Variants in CCDC141 observed in about 807,000 individuals in gnomAD.
CCDC141 encodes the protein coiled-coil domain-containing protein 141.
Under a neutral mutation model 181.0 loss-of-function variants are expected in CCDC141, and 168 were observed. The ratio of observed to expected loss-of-function variants is 0.93; its 90% CI spans 0.82 to 1.05. The LOEUF is 1.05. Ranked by LOEUF, CCDC141 falls within the 50% of genes least tolerant of loss-of-function variation. The pLI, the probability that CCDC141 is intolerant of heterozygous loss-of-function variation, is 0.00. For synonymous variants in CCDC141, 666 were observed against 642.3 expected (o/e 1.04, Z -0.56); for missense variants, 1,902 against 1,788.5 (o/e 1.06, Z -1.14).
At chr2:178,985,274 C>A (rs1228001490) in intron 2 of CCDC141, among the ~76,000 whole-genome samples, 2 of 150,814 alleles carry the variant, frequency 1.3e-5, no homozygotes, top group Non-Finnish European at 1.5e-5. Context: ...CCAATGAGAA[C>A]AAAGACACAA....
intron 2 of CCDC141, among the ~76,000 whole-genome samples, chr2:179,041,582 T>C (rs1023938605): frequency 1.4e-5 from 2 of 138,656 alleles, no homozygotes; most frequent in African/African-American, 5.5e-5. Context: ...TAACCTTAAA[T>C]GTAAATGGAA....
intron 2 of CCDC141, among the ~76,000 whole-genome samples, chr2:179,016,206 G>C (rs1323043703): frequency 7.2e-6 from 1 of 139,124 alleles, no homozygotes; most frequent in African/African-American, 2.6e-5. Flanking sequence ...GGAAGAGTGA[G>C]GGGGGTGAGG....
At chr2:178,823,628 T>C in the CCDC141 span, among the ~76,000 whole-genome samples, 1 of 152,216 alleles carries the variant, frequency 6.6e-6, no homozygotes, top group Non-Finnish European at 1.5e-5. Context: ...TATGATGTTA[T>C]GACGTTGTTA....
At chr2:178,888,422 G>T in intron 9 of CCDC141, 105 bp downstream of exon 9, 2 of 994,016 alleles carry the variant, frequency 2.0e-6, no homozygotes. Flanking sequence ...CATAAGGGCA[G>T]CCTAAGGAGA....
At chr2:178,990,729 T>C (rs1442933207) in intron 2 of CCDC141, among the ~76,000 whole-genome samples, 2 of 151,992 alleles carry the variant, frequency 1.3e-5, no homozygotes, top group African/African-American at 4.8e-5. Flanking sequence ...ATGATTCCAC[T>C]TACATGAAAT....
chr2:179,045,960 C>A (rs1559069860), intron 2 of CCDC141, among the ~76,000 whole-genome samples: 1 of 152,160 alleles, frequency 6.6e-6, no homozygotes, highest in Admixed American at 6.5e-5. Context: ...CTTCTTTGTA[C>A]TAATTCTTTC....
At chr2:178,875,076 C>G (rs1686299904) in intron 12 of CCDC141, 1 of 152,158 alleles carries the variant, frequency 6.6e-6, no homozygotes, top group Admixed American at 6.5e-5. Flanking sequence ...CTGCCAGCTT[C>G]TGATTGGCTT....
intron 8 of CCDC141, among the ~76,000 whole-genome samples, chr2:178,904,574 C>G (rs1006982492): frequency 2.0e-5 from 3 of 151,556 alleles, no homozygotes; most frequent in Non-Finnish European, 4.4e-5. Flanking sequence ...TGGGTTTAAC[C>G]CATTTATAAT....
intron 17 of CCDC141, 27 bp downstream of exon 17, chr2:178,865,740 G>A: frequency 6.9e-7 from 1 of 1,445,230 alleles, no homozygotes; most frequent in Non-Finnish European, 9.2e-7. Flanking sequence ...TTGGCAATGT[G>A]CCAGTTCTCA....
At chr2:178,874,543 A>G (rs1686271226) in intron 12 of CCDC141, 1 of 152,256 alleles carries the variant, frequency 6.6e-6, no homozygotes. Context: ...AATAAGTAAC[A>G]AAGGACTTCT....
intron 2 of CCDC141, among the ~76,000 whole-genome samples, chr2:179,033,466 C>T (rs1226261954): frequency 2.0e-5 from 3 of 152,066 alleles, no homozygotes; most frequent in South Asian, 2.1e-4. Context: ...TACTGAGAGA[C>T]AATTTTATGT....
At chr2:179,041,507 T>G (rs1401661688) in intron 2 of CCDC141, among the ~76,000 whole-genome samples, 3 of 144,676 alleles carry the variant, frequency 2.1e-5, no homozygotes, top group African/African-American at 7.6e-5. Context: ...TTTTTTTTTT[T>G]TTTTTTTTTG....
At chr2:178,849,469 A>C (rs1006456760) in intron 21 of CCDC141, among the ~76,000 whole-genome samples, 1 of 152,244 alleles carries the variant, frequency 6.6e-6, no homozygotes, top group African/African-American at 2.4e-5. Context: ...AACAGCATTA[A>C]TCAAACCAGT....
rs922804753 is a variant in CCDC141 at position 178,871,369 on chromosome 2, A to C, written c.2205+58T>G. On this transcript the variant is annotated intron_variant, in intron 14 of 23. Transcript: ENST00000443758. ...GTTACAATTAATCAGGTAAACTGCA[A>C]CCAAACAGTTTTAAGTATTTTTTCC... The C allele has an allele frequency of 2.6e-6, 4 of 1,557,296 alleles. No individual in the cohort carries two copies. In the African/African-American group the frequency reaches 5.5e-5, roughly 21 times the overall value.
chr2:178,941,827 G>C (rs901690515), intron 6 of CCDC141, among the ~76,000 whole-genome samples: 22 of 151,326 alleles, frequency 1.5e-4, no homozygotes, highest in African/African-American at 5.1e-4. Flanking sequence ...AGGTATGGGG[G>C]TGTGCAGCTG....
intron 6 of CCDC141, among the ~76,000 whole-genome samples, chr2:178,925,003 G>A (rs1487280613): frequency 6.6e-6 from 1 of 152,148 alleles, no homozygotes; most frequent in Non-Finnish European, 1.5e-5. Context: ...ACCACCAGTT[G>A]GTACATTTCT....
intron 6 of CCDC141, among the ~76,000 whole-genome samples, chr2:178,940,017 A>G (rs947303629): frequency 4.3e-4 from 66 of 152,366 alleles, no homozygotes; most frequent in African/African-American, 1.5e-3. Context: ...CAAAAATTTA[A>G]TATGTTAAAA....
In CCDC141 at chr2:178,869,184, T is replaced by C; in HGVS notation, c.2327A>G (p.Lys776Arg). 1 of 1,613,638 alleles carries C rather than the reference T, an allele frequency of 6.2e-7. No individual in the cohort carries two copies. The highest frequency in any genetic ancestry group is 8.5e-7 in the Non-Finnish European group (1 of 1,179,806). ...ATCCTCGTAATCCTGGATTCTCTCT[T>C]TCTGTTTTTGATGGAAGTGAATAAG... ...KDLIHFHQKQ[K>R]ERIQDYEDIL... Residue 776 changes from lysine to arginine, a missense_variant, in exon 15 of 24, where the codon AAA becomes AGA. Lys to Arg is a conservative substitution (Grantham distance 26). Transcript: ENST00000443758.
At chr2:179,016,994 T>G (rs2042561681) in intron 2 of CCDC141, among the ~76,000 whole-genome samples, 1 of 152,118 alleles carries the variant, frequency 6.6e-6, no homozygotes, top group Non-Finnish European at 1.5e-5. Flanking sequence ...CTTTTTCTTC[T>G]TATTTTTTTA....
Sources: gnomAD v4.1 joint callset for allele counts (sites outside exome capture counted in the v4.1 genomes callset) on GRCh38, gnomAD v4.1.1 for gene constraint, MANE v1.5 for transcripts, NCBI Gene and HGNC (gene_info 2026-07-23, HGNC 2026-07-21) for gene names.